The following GPR143 variants were observed in gnomAD, a reference collection of about 807,000 sequenced individuals.
GPR143 encodes the protein G-protein coupled receptor 143.
GPR143 carries 8 observed loss-of-function variants against 27.6 expected under a neutral mutation model. The ratio of observed to expected loss-of-function variants is 0.29; its 90% confidence interval spans 0.17 to 0.52. The LOEUF (loss-of-function observed/expected upper bound fraction) is 0.52, where lower values mean the gene tolerates loss of function less well. Ranked by LOEUF, GPR143 falls within the 20% of genes least tolerant of loss-of-function variation. GPR143 has a pLI of 0.96. For missense variants in GPR143, 303 were observed against 343.1 expected (o/e 0.88, Z 0.92); for synonymous variants, 156 against 153.2 (o/e 1.02, Z -0.13).
chrX:9,756,694 C>A (rs753506376), intron 3 of GPR143, among the ~76,000 whole-genome samples: 1 of 112,662 alleles, frequency 8.9e-6, no homozygotes, highest in South Asian at 3.7e-4. Flanking sequence ...TACCAATTCA[C>A]ACATGCTAGG....
upstream of GPR143, among the ~76,000 whole-genome samples, chrX:9,767,526 G>A (rs1345758963): frequency 2.7e-5 from 3 of 111,413 alleles, no homozygotes; most frequent in Admixed American, 1.9e-4. Context: ...CCCACAGAAG[G>A]CAGGCGGGAG....
chrX:9,774,513 T>C (rs1325998391), intron 1 of GPR143, among the ~76,000 whole-genome samples: 1 of 112,197 alleles, frequency 8.9e-6, no homozygotes, highest in Non-Finnish European at 1.9e-5. Context: ...ACACCCAGGG[T>C]TGGCTGGCCC....
At chrX:9,763,982 G>T (rs1302242865) in intron 1 of GPR143, among the ~76,000 whole-genome samples, 2 of 112,648 alleles carry the variant, frequency 1.8e-5, no homozygotes, top group Middle Eastern at 4.2e-3. Flanking sequence ...CACATGCCAG[G>T]AAATATTTTT....
chrX:9,770,323 A>AAG (rs201287124), upstream of GPR143, among the ~76,000 whole-genome samples: 2,306 of 88,915 alleles, frequency 0.026, 48 homozygotes, highest in East Asian at 0.06. Flanking sequence ...AAGAAAGAAA[A>AAG]AGAGAGAGAG....
intron 8 of GPR143, among the ~76,000 whole-genome samples, chrX:9,736,012 GAGT>G (rs1157369464): frequency 9.0e-6 from 1 of 111,327 alleles, no homozygotes; most frequent in African/African-American, 3.3e-5. Flanking sequence ...ATGGCAGGGA[GAGT>G]AGGTGAGGAT....
At position 9,765,653 on chromosome X, in the gene GPR143, C is replaced by T; in HGVS notation, c.165G>A (p.Ala55=). ...GGGACGTCGCGGGGGACCCGGGGCC[C>T]GCGGGCCGGCGGCCGGGCAGCAGCT... ...LLQLLPGRRP[A]GPGSPATSPP... The change falls in exon 1 of 9, where the codon GCG becomes GCA. Residue 55 remains alanine, a synonymous_variant. Coordinates refer to ENST00000467482, the MANE Select transcript of GPR143 (RefSeq NM_000273.3). 1 of 986,085 alleles carries T rather than the reference C, an allele frequency of 1.0e-6. No homozygotes were observed. The highest frequency in any genetic ancestry group is 1.3e-6 in the Non-Finnish European group (1 of 787,383). The allele number at this position is 986,085 out of a possible 1,213,427, so 81.3% of individuals were successfully genotyped here.
chrX:9,776,549 C>CTTTTT (rs145411367), intron 1 of GPR143, among the ~76,000 whole-genome samples: 4 of 71,600 alleles, frequency 5.6e-5, no homozygotes, highest in Non-Finnish European at 7.5e-5. Context: ...CCATGCCTAG[C>CTTTTT]TTTTTTTTTT....
chrX:9,726,326 C>T (rs375538847), intron 8 of GPR143, among the ~76,000 whole-genome samples: 44 of 111,401 alleles, frequency 3.9e-4, no homozygotes, highest in African/African-American at 1.2e-3. Flanking sequence ...GGGAGACCAC[C>T]GCTCTGTAAA....
rs368590936 is a variant in GPR143 at position 9,746,452 on chromosome X, G to A, written c.549-299C>T. Among the ~76,000 whole-genome samples the A allele has an allele frequency of 5.4e-5, 6 of 110,355 alleles. No individual in the cohort carries two copies. The East Asian group carries it at 1.1e-3, about 21-fold the overall frequency. On this transcript the variant is annotated intron_variant, in intron 4 of 8. Coordinates refer to ENST00000467482, the MANE Select transcript of GPR143 (RefSeq NM_000273.3). Reference sequence around the variant, plus strand: ...AAAAGATCGGAAAGAAAAACACCCTGGGATGGGGGATTCCCTGCACTGGGT... The same window carrying A: ...AAAAGATCGGAAAGAAAAACACCCTAGGATGGGGGATTCCCTGCACTGGGT...
intron 5 of GPR143, among the ~76,000 whole-genome samples, chrX:9,744,582 A>G (rs1488539718): frequency 9.1e-6 from 1 of 110,243 alleles, no homozygotes; most frequent in Non-Finnish European, 1.9e-5. Context: ...GCAGATGCCT[A>G]TAATCCCAGC....
chrX:9,742,007 G>C (rs2083406484), intron 6 of GPR143, among the ~76,000 whole-genome samples: 1 of 112,268 alleles, frequency 8.9e-6, no homozygotes, highest in Admixed American at 9.4e-5. Context: ...CCTTCCAATG[G>C]TACCACTCAA....
chrX:9,725,671 G>A lies in GPR143; in HGVS notation c.*75C>T. The A allele has an allele frequency of 1.0e-5, 8 of 789,672 alleles. No homozygotes were observed. The highest frequency in any genetic ancestry group is 1.3e-5 in the Non-Finnish European group (7 of 521,058). The allele number at this position is 789,672 out of a possible 1,213,427, so 65.1% of individuals were successfully genotyped here. ...ACTTCGGCAGTGCAGTGTTGGGAAG[G>A]TGAGAACACAGTTCTAAAGAACAAG... On this transcript the variant is annotated 3_prime_UTR_variant, in exon 9 of 9. Coordinates refer to ENST00000467482, the MANE Select transcript of GPR143 (RefSeq NM_000273.3).
chrX:9,742,528 C>A (rs972502388), intron 6 of GPR143, among the ~76,000 whole-genome samples: 4 of 111,997 alleles, frequency 3.6e-5, no homozygotes, highest in Middle Eastern at 4.6e-3. Flanking sequence ...TACCACGACC[C>A]GCGCAGGTGA....
Position 9,765,680 on chromosome X carries a change from C to A in GPR143, c.138G>T (p.Leu46=). The change falls in exon 1 of 9, where the codon CTG becomes CTT. Residue 46 remains leucine, a synonymous_variant. Coordinates refer to ENST00000467482, the MANE Select transcript of GPR143 (RefSeq NM_000273.3). ...CGGGCCGGCGGCCGGGCAGCAGCTG[C>A]AGAAGGCCCAGCGCCAAGCGGAGCC... is the stretch of plus-strand genomic sequence containing the variant. ...SGGLRLALGL[L]QLLPGRRPAG... The A allele has an allele frequency of 1.9e-6, 2 of 1,058,179 alleles. No individual in the cohort carries two copies. Among genetic ancestry groups the A allele is most frequent in the South Asian group, 5.1e-5 (2 of 39,459 alleles). 87.2% of individuals were successfully genotyped at this position (1,058,179 alleles called of 1,213,427 possible).
At chrX:9,770,323 AAGAGAGAGAGAGAGAG>A (rs201287124), upstream of GPR143, among the ~76,000 whole-genome samples, 14 of 89,017 alleles carry the variant, frequency 1.6e-4, no homozygotes, top group South Asian at 2.3e-3. Flanking sequence ...AAGAAAGAAA[AAGAGAGAGAGAGAGAG>A]AGAGAGAGAG....
At chrX:9,770,144 C>T (rs1360560524), upstream of GPR143, among the ~76,000 whole-genome samples, 1 of 85,788 alleles carries the variant, frequency 1.2e-5, no homozygotes, top group African/African-American at 4.4e-5. Context: ...AGACCCTGTC[C>T]CCCACCTCCC....
chrX:9,770,306 A>T (rs2083549307), upstream of GPR143, among the ~76,000 whole-genome samples: 1 of 101,242 alleles, frequency 9.9e-6, no homozygotes, highest in Admixed American at 1.1e-4. Flanking sequence ...CAAGAACAGG[A>T]GAAAGAAAGA....
chrX:9,732,916 C>T (rs61119181), intron 8 of GPR143, among the ~76,000 whole-genome samples: 2,258 of 101,593 alleles, frequency 0.022, 72 homozygotes, highest in African/African-American at 0.077. Context: ...AAAGAAGAGA[C>T]GAGTGGGAAA....
Position 9,775,731 on chromosome X carries a change from G to A in GPR143, c.-3+10511C>T, listed in dbSNP as rs2083569058. On this transcript the variant is annotated intron_variant, in intron 1 of 7. Transcript: ENST00000447366. Reference sequence around the variant, plus strand: ...CTTCTCACCCCACCCTCTTGAAGCTGCACTTTTCTTGAAGTCCACTTTTCA... The same window carrying A: ...CTTCTCACCCCACCCTCTTGAAGCTACACTTTTCTTGAAGTCCACTTTTCA... 7.1e-5 allele frequency among the ~76,000 whole-genome samples: 8 copies of A among 112,100 alleles called. No homozygotes were observed. The Admixed American group carries it at 7.6e-4, about 11-fold the overall frequency.
Sources: allele counts gnomAD v4.1 joint callset (sites outside exome capture counted in the v4.1 genomes callset), GRCh38; gene constraint gnomAD v4.1.1; transcripts MANE v1.5; gene names NCBI Gene and HGNC (gene_info 2026-07-23, HGNC 2026-07-21).